Variants in C19orf44 observed in about 807,000 individuals in gnomAD.
C19orf44 encodes chromosome 19 open reading frame 44.
C19orf44 carries 43 observed loss-of-function variants against 50.7 expected under a neutral mutation model. That is an observed-to-expected ratio of 0.85 (90% confidence interval 0.66 to 1.09). The LOEUF (loss-of-function observed/expected upper bound fraction) is 1.09, where lower values mean the gene tolerates loss of function less well. C19orf44 is among the 50% of genes least tolerant of loss of function. C19orf44 has a pLI of 0.00. For synonymous variants in C19orf44, 298 were observed against 334.7 expected (o/e 0.89, Z 1.20); for missense variants, 722 against 836.2 (o/e 0.86, Z 1.68).
At position 16,520,013 on chromosome 19, in the gene C19orf44, T is replaced by C; in HGVS notation, c.*41-81T>C. 2 of 916,032 alleles carry C rather than the reference T, an allele frequency of 2.2e-6. No homozygotes were observed. Among genetic ancestry groups the C allele is most frequent in the South Asian group, 3.1e-5 (2 of 64,954 alleles). 56.7% of individuals were successfully genotyped at this position (916,032 alleles called of 1,614,324 possible). A position where few individuals can be genotyped will look rare whatever the true frequency, so the allele number is the denominator to read the frequency against. On this transcript the variant is annotated intron_variant, in intron 8 of 8. Transcript: ENST00000221671. The surrounding 1 kb of genome is among the most constrained non-coding windows in gnomAD (Gnocchi z 4.0). Reference sequence around the variant, plus strand: ...GCCAAGTGGCTACTGTGGTGAAGGGTGAGGGGTGCCACTGTCCCCGGGCTA... The same window carrying C: ...GCCAAGTGGCTACTGTGGTGAAGGGCGAGGGGTGCCACTGTCCCCGGGCTA...
intron 6 of C19orf44, 137 bp downstream of exon 6, chr19:16,513,246 G>T: frequency 1.3e-6 from 1 of 797,874 alleles, no homozygotes; most frequent in Admixed American, 2.3e-5. Flanking sequence ...GATTATTGCA[G>T]CCACAGGCAC....
At chr19:16,506,672 A>G in intron 3 of C19orf44, 29 bp from the exon 4 acceptor site, 2 of 1,430,236 alleles carry the variant, frequency 1.4e-6, no homozygotes, top group South Asian at 1.3e-5. Flanking sequence ...GAGTAAATGT[A>G]AACGCTTATA....
chr19:16,505,921 A>T (rs1455463009), intron 3 of C19orf44, among the ~76,000 whole-genome samples: 3 of 151,652 alleles, frequency 2.0e-5, no homozygotes, highest in African/African-American at 4.8e-5. Flanking sequence ...GCCTCAGTTG[A>T]TCTGCCCATC....
In C19orf44 at chr19:16,503,226, C is replaced by T. The variant is rs758193300; in HGVS notation, c.921C>T (p.Thr307=). ...CACAGAGTCACGTTTCCAGTGACAC[C>T]GCCTCCCACACGCCGTCAGTTTCCA... ...DYPQSHVSSD[T]ASHTPSVSIT... The change falls in exon 3 of 9, where the codon ACC becomes ACT. Residue 307 remains threonine, a synonymous_variant. Coordinates refer to ENST00000221671, the MANE Select transcript of C19orf44 (RefSeq NM_032207.4). The T allele has an allele frequency of 4.3e-6, 7 of 1,614,086 alleles. No individual in the cohort carries two copies. Among genetic ancestry groups the T allele is most frequent in the South Asian group, 3.3e-5 (3 of 91,082 alleles).
In C19orf44 at chr19:16,520,454, C is replaced by T. The variant is rs541504061; in HGVS notation, c.*401C>T. The stretch of plus-strand genomic sequence containing the variant: ...AGACTTGGAGGATCTTGAGTTGGAG[C>T]GGGAGGAAGAACGCCCTCGACTCTT... On this transcript the variant is annotated 3_prime_UTR_variant, in exon 9 of 9. Coordinates refer to ENST00000221671, the MANE Select transcript of C19orf44 (RefSeq NM_032207.4). This position sits in a 1 kb window ranked among gnomAD's most constrained non-coding sequence, Gnocchi z 4.0. 27 of 1,613,950 alleles carry T rather than the reference C, an allele frequency of 1.7e-5. No individual in the cohort carries two copies. Among genetic ancestry groups the T allele is most frequent in the South Asian group, 4.4e-5 (4 of 91,074 alleles).
At chr19:16,496,918 A>G (rs373124262) in intron 1 of C19orf44, among the ~76,000 whole-genome samples, 35 of 152,176 alleles carry the variant, frequency 2.3e-4, no homozygotes, top group African/African-American at 7.9e-4. Context: ...ACTTGAGGCC[A>G]GGAGATCCAG....
chr19:16,506,151 AT>A (rs1424193827), intron 3 of C19orf44, among the ~76,000 whole-genome samples: 1 of 149,120 alleles, frequency 6.7e-6, no homozygotes, highest in East Asian at 2.0e-4. Flanking sequence ...AATTTTTTGT[AT>A]TTTTAGTAGA....
At position 16,520,320 on chromosome 19, in the gene C19orf44, C is replaced by G; in HGVS notation, c.*267C>G. ...GCAGCCAGGCGTCGTGGGGAGGCCA[C>G]AGGAAGAGGCCTCAGGCACTGCCCT... On this transcript the variant is annotated 3_prime_UTR_variant, in exon 9 of 9. Transcript: ENST00000221671. This position sits in a 1 kb window ranked among gnomAD's most constrained non-coding sequence, Gnocchi z 4.0. The G allele has an allele frequency of 6.2e-7, 1 of 1,611,410 alleles. No homozygotes were observed. Among genetic ancestry groups the G allele is most frequent in the Non-Finnish European group, 8.5e-7 (1 of 1,178,224 alleles).
Position 16,509,777 on chromosome 19 carries a change from A to C in C19orf44, c.1428A>C (p.Pro476=), listed in dbSNP as rs1239725574. The change falls in exon 5 of 9, where the codon CCA becomes CCC. Residue 476 remains proline, a synonymous_variant. Transcript: ENST00000221671. ...ATTCGGAGGATTTTGAAAACTCTCC[A>C]AGTCTGACAGCATCTGAGCCAACCG... The part of the protein sequence containing the change: ...SAYSEDFENS[P]SLTASEPTAH... The C allele has an allele frequency of 6.2e-7, 1 of 1,614,270 alleles. No homozygotes were observed. The highest frequency in any genetic ancestry group is 2.2e-5 in the East Asian group (1 of 44,892).
Position 16,519,891 on chromosome 19 carries a change from A to G in C19orf44, c.*41-203A>G. 1.5e-6 allele frequency: 1 copy of G among 680,918 alleles called. No individual in the cohort carries two copies. The highest frequency in any genetic ancestry group is 1.7e-5 in the South Asian group (1 of 57,998). The allele number at this position is 680,918 out of a possible 1,614,324, so 42.2% of individuals were successfully genotyped here. A position where few individuals can be genotyped will look rare whatever the true frequency, so the allele number is the denominator to read the frequency against. ...TGTCTCAGCTAGATAAGGGGGCTCC[A>G]GACGCTGGCCCCCACCCCACGCTCA... On this transcript the variant is annotated intron_variant, in intron 8 of 8. Transcript: ENST00000221671. The surrounding 1 kb of genome is among the most constrained non-coding windows in gnomAD (Gnocchi z 6.0).
chr19:16,520,113 A>C lies in C19orf44; in HGVS notation c.*60A>C. ...TCACAGCAAAGCACCGCAGCTTCCC[A>C]GAGTTACCAGCGCAGCACTTAAGAC... is the stretch of plus-strand genomic sequence containing the variant. On this transcript the variant is annotated 3_prime_UTR_variant, in exon 9 of 9. Coordinates refer to ENST00000221671, the MANE Select transcript of C19orf44 (RefSeq NM_032207.4). This position sits in a 1 kb window ranked among gnomAD's most constrained non-coding sequence, Gnocchi z 4.0. 3 of 1,589,904 alleles carry C rather than the reference A, an allele frequency of 1.9e-6. No individual in the cohort carries two copies. Among genetic ancestry groups the C allele is most frequent in the Non-Finnish European group, 1.7e-6 (2 of 1,161,132 alleles).
At chr19:16,518,479 A>G (rs1175789163) in intron 8 of C19orf44, 1 of 152,196 alleles carries the variant, frequency 6.6e-6, no homozygotes, top group East Asian at 1.9e-4. Context: ...TACAACTAAA[A>G]TAACTGAACT....
chr19:16,520,020 T>C lies in C19orf44; in HGVS notation c.*41-74T>C. On this transcript the variant is annotated intron_variant, in intron 8 of 8. Transcript: ENST00000221671. This position sits in a 1 kb window ranked among gnomAD's most constrained non-coding sequence, Gnocchi z 4.0. ...GGCTACTGTGGTGAAGGGTGAGGGGTGCCACTGTCCCCGGGCTAATGCTGG... is the reference window on the plus strand; with the variant it reads ...GGCTACTGTGGTGAAGGGTGAGGGGCGCCACTGTCCCCGGGCTAATGCTGG... 2 of 962,186 alleles carry C rather than the reference T, an allele frequency of 2.1e-6. No individual in the cohort carries two copies. The highest frequency in any genetic ancestry group is 3.2e-6 in the Non-Finnish European group (2 of 626,462). The allele number at this position is 962,186 out of a possible 1,614,324, so 59.6% of individuals were successfully genotyped here. A position where few individuals can be genotyped will look rare whatever the true frequency, so the allele number is the denominator to read the frequency against.
chr19:16,518,914 G>A (rs774219433), intron 8 of C19orf44: 91 of 547,490 alleles, frequency 1.7e-4, no homozygotes, highest in Non-Finnish European at 2.6e-4. Flanking sequence ...AAAGGAAAAC[G>A]AGCCTGGGGC....
At chr19:16,516,715 C>A (rs957892418) in intron 7 of C19orf44, among the ~76,000 whole-genome samples, 1 of 152,204 alleles carries the variant, frequency 6.6e-6, no homozygotes, top group African/African-American at 2.4e-5. Flanking sequence ...CGGGACGCTG[C>A]TTTGGAACTG....
intron 4 of C19orf44, 134 bp from the exon 5 acceptor site, chr19:16,509,365 C>A: frequency 1.6e-6 from 2 of 1,222,526 alleles, no homozygotes; most frequent in Non-Finnish European, 2.3e-6. Context: ...TCCGTGCCCA[C>A]ATCTAATGAG....
intron 3 of C19orf44, among the ~76,000 whole-genome samples, chr19:16,503,934 C>T (rs2093432850): frequency 2.0e-5 from 3 of 152,100 alleles, no homozygotes; most frequent in Admixed American, 6.6e-5. Context: ...GTGGCTCACG[C>T]CTGCAATCCC....
At chr19:16,497,846 G>T (rs1024780199) in intron 1 of C19orf44, among the ~76,000 whole-genome samples, 23 of 152,154 alleles carry the variant, frequency 1.5e-4, no homozygotes, top group African/African-American at 5.6e-4. Context: ...CAGGTATGAT[G>T]ATGTGGGATT....
At position 16,519,833 on chromosome 19, in the gene C19orf44, G is replaced by A. The variant is rs566904113; in HGVS notation, c.*41-261G>A. 1.3e-5 allele frequency: 12 copies of A among 919,220 alleles called. No individual in the cohort carries two copies. Among genetic ancestry groups the A allele is most frequent in the African/African-American group, 9.7e-5 (6 of 61,710 alleles). The allele number at this position is 919,220 out of a possible 1,614,324, so 56.9% of individuals were successfully genotyped here. ...ATGCTCACTGTCACCAGGTGACACCGTATGCAGATTTTGCGTCTCTACCCG... is the reference window on the plus strand; with the variant it reads ...ATGCTCACTGTCACCAGGTGACACCATATGCAGATTTTGCGTCTCTACCCG... On this transcript the variant is annotated intron_variant, in intron 8 of 8. Transcript: ENST00000221671. The surrounding 1 kb of genome is among the most constrained non-coding windows in gnomAD (Gnocchi z 6.0).
Sources: gnomAD v4.1 joint callset for allele counts (sites outside exome capture counted in the v4.1 genomes callset) on GRCh38, gnomAD v4.1.1 for gene constraint, Gnocchi (gnomAD v3.1) non-coding constraint, MANE v1.5 for transcripts, NCBI Gene and HGNC (gene_info 2026-07-23, HGNC 2026-07-21) for gene names.